Variants in PDE1C observed in about 807,000 individuals in gnomAD.
PDE1C encodes phosphodiesterase 1C, also known as dual specificity calcium/calmodulin-dependent 3',5'-cyclic nucleotide phosphodiesterase 1C.
In PDE1C, 62 loss-of-function variants were observed where a neutral mutation model predicts 93.1. The ratio of observed to expected loss-of-function variants is 0.67; its 90% CI spans 0.54 to 0.82. The LOEUF is 0.82. Ranked by LOEUF, PDE1C falls within the 40% of genes least tolerant of loss-of-function variation. PDE1C has a pLI of 0.00. For synonymous variants in PDE1C, 325 were observed against 310.1 expected (o/e 1.05, Z -0.50); for missense variants, 742 against 884.6 (o/e 0.84, Z 2.04).
intron 2 of PDE1C, among the ~76,000 whole-genome samples, chr7:31,961,121 A>G (rs951643549): frequency 1.3e-5 from 2 of 152,178 alleles, no homozygotes; most frequent in Non-Finnish European, 2.9e-5. Context: ...TTAAAGATGA[A>G]TGAGCTACAA....
intron 1 of PDE1C, among the ~76,000 whole-genome samples, chr7:32,234,421 G>A (rs1199444358): frequency 1.3e-5 from 2 of 151,694 alleles, no homozygotes; most frequent in East Asian, 3.9e-4. Flanking sequence ...CCAATATCAG[G>A]AAAAAAATAG....
intron 1 of PDE1C, among the ~76,000 whole-genome samples, chr7:32,370,262 A>AC (rs1318943272): frequency 6.6e-6 from 1 of 152,128 alleles, no homozygotes; most frequent in African/African-American, 2.4e-5. Context: ...ATCCTGGCTA[A>AC]CACGGTGAAA....
intron 9 of PDE1C, among the ~76,000 whole-genome samples, chr7:31,841,198 TCC>T (rs1791815476): frequency 1.2e-5 from 1 of 81,010 alleles, no homozygotes; most frequent in Non-Finnish European, 2.4e-5. Flanking sequence ...AGTGTCTCTC[TCC>T]CTCTCTCTGT....
At chr7:31,851,100 A>ACAT (rs1351844683) in intron 7 of PDE1C, among the ~76,000 whole-genome samples, 2 of 2,906 alleles carry the variant, frequency 6.9e-4, no homozygotes, top group Non-Finnish European at 2.6e-3. Flanking sequence ...ACACACACAC[A>ACAT]TAAAAAAATT....
At chr7:32,290,340 C>T (rs1340827596) in intron 1 of PDE1C, among the ~76,000 whole-genome samples, 4 of 152,152 alleles carry the variant, frequency 2.6e-5, no homozygotes, top group Admixed American at 2.0e-4. Context: ...CAGGAGCAGG[C>T]GGGTGAGCAC....
intron 3 of PDE1C, among the ~76,000 whole-genome samples, chr7:32,087,536 A>G (rs1294788021): frequency 6.6e-6 from 1 of 152,184 alleles, no homozygotes; most frequent in Non-Finnish European, 1.5e-5. Context: ...ATGCTGCTAT[A>G]AAGACACATG....
At chr7:31,920,500 G>C (rs950576062) in intron 2 of PDE1C, among the ~76,000 whole-genome samples, 18 of 152,094 alleles carry the variant, frequency 1.2e-4, no homozygotes, top group Non-Finnish European at 1.8e-4. Context: ...GATAGTAAAA[G>C]ACAGAAAAAG....
intron 1 of PDE1C, among the ~76,000 whole-genome samples, chr7:32,399,524 C>T (rs1170852486): frequency 6.6e-6 from 1 of 150,446 alleles, no homozygotes; most frequent in Non-Finnish European, 1.5e-5. Context: ...TGCTCATCCT[C>T]GTCTTATAAG....
At chr7:31,806,320 A>G (rs1786819968) in intron 16 of PDE1C, among the ~76,000 whole-genome samples, 1 of 151,994 alleles carries the variant, frequency 6.6e-6, no homozygotes, top group Non-Finnish European at 1.5e-5. Context: ...CCATGAGGCT[A>G]TGTTATTACA....
At chr7:31,706,916 G>A in the PDE1C span, among the ~76,000 whole-genome samples, 8 of 152,128 alleles carry the variant, frequency 5.3e-5, no homozygotes, top group Admixed American at 2.0e-4. Flanking sequence ...TTTCCATCCC[G>A]CCATGCTGCA....
the PDE1C span, among the ~76,000 whole-genome samples, chr7:31,718,090 T>C: frequency 6.6e-6 from 1 of 152,180 alleles, no homozygotes; most frequent in Non-Finnish European, 1.5e-5. Flanking sequence ...AGAATATTAA[T>C]ACAGCCCTGG....
chr7:32,293,780 T>C (rs188451933), intron 1 of PDE1C, among the ~76,000 whole-genome samples: 1 of 152,150 alleles, frequency 6.6e-6, no homozygotes, highest in East Asian at 1.9e-4. Flanking sequence ...GAGGAGGCCA[T>C]AGAATATTTT....
At chr7:32,222,585 G>A (rs900181588) in intron 1 of PDE1C, among the ~76,000 whole-genome samples, 2 of 152,142 alleles carry the variant, frequency 1.3e-5, no homozygotes, top group African/African-American at 2.4e-5. Context: ...GTTGGAAGTT[G>A]GGGACAATTT....
At chr7:32,255,714 G>A (rs1023333841) in intron 1 of PDE1C, among the ~76,000 whole-genome samples, 1 of 152,136 alleles carries the variant, frequency 6.6e-6, no homozygotes, top group Admixed American at 6.5e-5. Context: ...AGAAGGAAGA[G>A]AAAGGACACC....
intron 17 of PDE1C, among the ~76,000 whole-genome samples, chr7:31,770,949 A>G (rs765771477): frequency 2.0e-4 from 30 of 151,984 alleles, no homozygotes; most frequent in Non-Finnish European, 3.7e-4. Flanking sequence ...CTATCAACTG[A>G]TAGTTTTCTC....
chr7:31,654,546 A>G, the PDE1C span, among the ~76,000 whole-genome samples: 1 of 152,168 alleles, frequency 6.6e-6, no homozygotes, highest in Non-Finnish European at 1.5e-5. Context: ...AGTGAGGCAG[A>G]GTGCCCAGCT....
chr7:31,950,320 C>T (rs2129013572), intron 2 of PDE1C, among the ~76,000 whole-genome samples: 1 of 152,286 alleles, frequency 6.6e-6, no homozygotes, highest in African/African-American at 2.4e-5. Context: ...GAAGGACTCA[C>T]CAACAAGCAA....
intron 2 of PDE1C, among the ~76,000 whole-genome samples, chr7:32,180,426 T>A (rs765278969): frequency 3.3e-5 from 5 of 152,198 alleles, no homozygotes; most frequent in Non-Finnish European, 7.3e-5. Context: ...CCCAGTATAA[T>A]AGTATTAAGA....
chr7:32,244,966 C>A (rs538718532), intron 1 of PDE1C, among the ~76,000 whole-genome samples: 2 of 152,064 alleles, frequency 1.3e-5, no homozygotes, highest in Non-Finnish European at 2.9e-5. Flanking sequence ...CTGGGAAGGC[C>A]CAGCTAGGCA....
Sources: allele counts gnomAD v4.1 joint callset (sites outside exome capture counted in the v4.1 genomes callset), GRCh38; gene constraint gnomAD v4.1.1; transcripts MANE v1.5; gene names NCBI Gene and HGNC (gene_info 2026-07-23, HGNC 2026-07-21).